SLC8A1: variants seen among roughly 807,000 people sequenced by gnomAD.
The protein encoded by SLC8A1 is solute carrier family 8 member A1.
SLC8A1 carries 18 observed loss-of-function variants against 68.3 expected under a neutral mutation model. The observed-to-expected ratio is 0.26, with a 90% CI of 0.18 to 0.39. The LOEUF (loss-of-function observed/expected upper bound fraction) is 0.39. Among genes scored for constraint, SLC8A1 ranks in the 10% least tolerant of loss-of-function variants. The pLI is 1.00. For synonymous variants in SLC8A1, 475 were observed against 415.5 expected (o/e 1.14, Z -1.74); for missense variants, 985 against 1,156.7 (o/e 0.85, Z 2.15).
intron 2 of SLC8A1, among the ~76,000 whole-genome samples, chr2:40,401,734 C>T (rs1352551170): frequency 6.6e-6 from 1 of 151,604 alleles, no homozygotes; most frequent in African/African-American, 2.4e-5. Context: ...AATACTATAT[C>T]CCAAGTTTAT....
intron 2 of SLC8A1, among the ~76,000 whole-genome samples, chr2:40,329,219 G>A (rs774972353): frequency 5.9e-5 from 9 of 151,994 alleles, no homozygotes; most frequent in East Asian, 1.9e-4. Flanking sequence ...GAAACCTTAC[G>A]CAACCGTTAG....
At chr2:40,484,115 G>A (rs1443694424) in intron 1 of SLC8A1, among the ~76,000 whole-genome samples, 1 of 152,168 alleles carries the variant, frequency 6.6e-6, no homozygotes, top group East Asian at 1.9e-4. Context: ...TAAAACAAAT[G>A]TGTTAAAATG....
chr2:40,377,418 T>C (rs575664938), intron 2 of SLC8A1, among the ~76,000 whole-genome samples: 2 of 152,238 alleles, frequency 1.3e-5, no homozygotes, highest in Admixed American at 6.5e-5. Flanking sequence ...TTCTAATCCA[T>C]GGAAACTGAG....
intron 2 of SLC8A1, among the ~76,000 whole-genome samples, chr2:40,191,598 G>T (rs1178513412): frequency 1.3e-5 from 2 of 152,154 alleles, no homozygotes; most frequent in East Asian, 3.9e-4. Flanking sequence ...ACCAGAGCAG[G>T]TTTGCAAAAT....
chr2:40,359,509 G>T (rs1673877193), intron 2 of SLC8A1, among the ~76,000 whole-genome samples: 1 of 152,040 alleles, frequency 6.6e-6, no homozygotes, highest in African/African-American at 2.4e-5. Flanking sequence ...GCAGCTTCTG[G>T]GTAGAAAAGA....
intron 2 of SLC8A1, among the ~76,000 whole-genome samples, chr2:40,395,411 G>A (rs528126604): frequency 6.6e-6 from 1 of 152,044 alleles, no homozygotes; most frequent in African/African-American, 2.4e-5. Flanking sequence ...ACAATGGTCT[G>A]TGCTCACCTG....
intron 2 of SLC8A1, among the ~76,000 whole-genome samples, chr2:40,333,964 C>G (rs1020870863): frequency 1.3e-5 from 2 of 152,168 alleles, no homozygotes; most frequent in Admixed American, 1.3e-4. Context: ...AGGCGAATCA[C>G]TTGAACCTGG....
At chr2:40,178,344 C>A (rs369054386) in intron 2 of SLC8A1, 43 bp downstream of exon 3, 1 of 1,498,228 alleles carries the variant, frequency 6.7e-7, no homozygotes, top group Non-Finnish European at 9.3e-7. Context: ...GTGGCACAGG[C>A]CAGCAGAAGC....
upstream of SLC8A1, among the ~76,000 whole-genome samples, chr2:40,452,387 T>G (rs1702670021): frequency 6.6e-6 from 1 of 152,076 alleles, no homozygotes; most frequent in African/African-American, 2.4e-5. Context: ...GGCGAGCAGC[T>G]TTTTCGATTT....
chr2:40,495,535 G>C (rs918192109), intron 1 of SLC8A1, among the ~76,000 whole-genome samples: 1 of 152,058 alleles, frequency 6.6e-6, no homozygotes, highest in Admixed American at 6.6e-5. Context: ...GGAAAAATGT[G>C]TGTAGGAGCA....
chr2:40,490,904 G>A (rs140534451), intron 1 of SLC8A1, among the ~76,000 whole-genome samples: 139 of 152,050 alleles, frequency 9.1e-4, no homozygotes, highest in African/African-American at 2.9e-3. Context: ...AAAAAGATCC[G>A]CAAATCAGGA....
Position 40,174,633 on chromosome 2 carries a change from T to A in SLC8A1, c.1930+192A>T, listed in dbSNP as rs1040943830. On this transcript the variant is annotated intron_variant, in intron 4 of 7. Coordinates refer to ENST00000406785, the Ensembl canonical transcript of SLC8A1. ...CAGTTAAATATTAATGCAAGTTACATAAGATGTAGGTTTGGATTGATGGTT... is the reference window on the plus strand; with the variant it reads ...CAGTTAAATATTAATGCAAGTTACAAAAGATGTAGGTTTGGATTGATGGTT... The A allele has an allele frequency of 1.5e-5, 19 of 1,307,814 alleles. No homozygotes were observed. In the African/African-American group the frequency reaches 2.7e-4, roughly 18 times the overall value. 81.0% of individuals were successfully genotyped at this position (1,307,814 alleles called of 1,614,324 possible). A position where few individuals can be genotyped will look rare whatever the true frequency, so the allele number is the denominator to read the frequency against.
At chr2:40,398,322 T>A (rs531580522) in intron 2 of SLC8A1, among the ~76,000 whole-genome samples, 1 of 152,314 alleles carries the variant, frequency 6.6e-6, no homozygotes, top group Admixed American at 6.5e-5. Flanking sequence ...TTGACCTATG[T>A]TACTAACGCG....
intron 2 of SLC8A1, among the ~76,000 whole-genome samples, chr2:40,425,544 T>C (rs550677503): frequency 2.2e-4 from 34 of 152,044 alleles, no homozygotes; most frequent in African/African-American, 7.7e-4. Flanking sequence ...AGTCTGGCTT[T>C]GTGCACAACA....
At chr2:40,278,416 C>G (rs767386998) in intron 2 of SLC8A1, among the ~76,000 whole-genome samples, 2 of 152,110 alleles carry the variant, frequency 1.3e-5, no homozygotes, top group Non-Finnish European at 2.9e-5. Context: ...TGGCAGTGAG[C>G]CAAGATCGCG....
chr2:40,189,674 T>C (rs1387207054), intron 2 of SLC8A1: 3 of 152,160 alleles, frequency 2.0e-5, no homozygotes, highest in Non-Finnish European at 4.4e-5. Flanking sequence ...AATGCAGAAA[T>C]GAAGAAAAAG....
At chr2:40,440,174 T>C (rs529475818) in intron 1 of SLC8A1, among the ~76,000 whole-genome samples, 7 of 152,234 alleles carry the variant, frequency 4.6e-5, no homozygotes, top group African/African-American at 1.7e-4. Flanking sequence ...ACCAATCTTA[T>C]ATACCTGTGT....
chr2:40,254,410 T>TTTTTTTCAGGCTA, intron 2 of SLC8A1: 1 of 151,650 alleles, frequency 6.6e-6, no homozygotes, highest in East Asian at 1.9e-4. Context: ...TTTTGTTTTT[T>TTTTTTTCAGGCTA]TTTTTTCAGG....
chr2:40,261,313 T>C (rs912502125), intron 2 of SLC8A1, among the ~76,000 whole-genome samples: 2 of 152,186 alleles, frequency 1.3e-5, no homozygotes, highest in Admixed American at 1.3e-4. Context: ...GAGGCAATCA[T>C]TTTTCAGCTC....
Sources: gnomAD v4.1 joint callset for allele counts (sites outside exome capture counted in the v4.1 genomes callset) on GRCh38, gnomAD v4.1.1 for gene constraint, MANE v1.5 for transcripts, NCBI Gene and HGNC (gene_info 2026-07-23, HGNC 2026-07-21) for gene names.